Variants in CFAP91 observed in about 807,000 individuals in gnomAD.
CFAP91 encodes cilia and flagella associated protein 91, also known as cilia- and flagella-associated protein 91.
Under a neutral mutation model 95.9 loss-of-function variants are expected in CFAP91, and 85 were observed. The ratio of observed to expected loss-of-function variants is 0.89; its 90% CI spans 0.74 to 1.06. The LOEUF is 1.06. Ranked by LOEUF, CFAP91 falls within the 50% of genes least tolerant of loss-of-function variation. The pLI is 0.00. For synonymous variants in CFAP91, 335 were observed against 327.5 expected, an observed-to-expected ratio of 1.02 and a Z score of -0.25; for missense variants, 962 against 943.4, an observed-to-expected ratio of 1.02 and a Z score of -0.26.
rs751303728 is a variant in CFAP91, at chr3:119,740,597, A to C, written c.1582A>C (p.Thr528Pro). ...KRLELIQELR[T>P]CHALQEDEKL... is the part of the protein sequence containing the mutation. ...ACTGGAGTTGATCCAGGAGTTGCGC[A>C]CCTGCCACGCACTACAAGAAGATGA... Residue 528 changes from threonine to proline, a missense_variant, in exon 13 of 18, where the codon ACC becomes CCC. Physicochemically the swap from Thr to Pro is conservative, Grantham distance 38. Coordinates refer to ENST00000273390, the MANE Select transcript of CFAP91 (RefSeq NM_033364.4). The C allele has an allele frequency of 6.2e-7, 1 of 1,614,208 alleles. No homozygotes were observed.
chr3:119,727,462 G>A (rs2053804608), intron 7 of CFAP91, among the ~76,000 whole-genome samples: 3 of 152,134 alleles, frequency 2.0e-5, no homozygotes, highest in Admixed American at 6.5e-5. Context: ...GAGTGAAAAC[G>A]TCATCTGAGA....
chr3:119,764,533 A>G (rs141725528), intron 17 of CFAP91, among the ~76,000 whole-genome samples: 98 of 152,268 alleles, frequency 6.4e-4, no homozygotes, highest in African/African-American at 2.3e-3. Flanking sequence ...TATTCTGTTT[A>G]TGGTCCAGTA....
At chr3:119,737,220 A>G (rs1316402158) in intron 10 of CFAP91, 146 bp from the exon 11 acceptor site, 29 of 572,326 alleles carry the variant, frequency 5.1e-5, no homozygotes, top group Non-Finnish European at 9.1e-5. Context: ...ATAGGGTACA[A>G]TATACATTAT....
chr3:119,712,982 A>C lies in CFAP91; in HGVS notation c.501-2580A>C, dbSNP rs141288703. On this transcript the variant is annotated intron_variant, in intron 5 of 17. Coordinates refer to ENST00000273390, the MANE Select transcript of CFAP91 (RefSeq NM_033364.4). ...AAAACAAAACAAGACAAAAAAAAAA[A>C]ACAACTATTTAAAGTACTTGCTCCA... Among the ~76,000 whole-genome samples, 748 of 151,926 alleles carry C rather than the reference A, an allele frequency of 4.9e-3. 25 individuals carry two copies. Among genetic ancestry groups the C allele is most frequent in the Admixed American group, 0.041 (630 of 15,276 alleles).
Position 119,730,323 on chromosome 3 carries a change from C to G in CFAP91, c.964C>G (p.Leu322Val), listed in dbSNP as rs144639559. ...GCACTTGAATGCCCGGTGGTCTAAACTGCAGGAGGGAAAAGAGGCAAAAAT... is the reference window on the plus strand; with the variant it reads ...GCACTTGAATGCCCGGTGGTCTAAAGTGCAGGAGGGAAAAGAGGCAAAAAT... ...MKHLNARWSK[L>V]QEGKEAKMAK... The change falls in exon 8 of 18, where the codon CTG becomes GTG. Residue 322 changes from leucine to valine, a missense_variant. Physicochemically the swap from Leu to Val is conservative, Grantham distance 32. Coordinates refer to ENST00000273390, the MANE Select transcript of CFAP91 (RefSeq NM_033364.4). 3.1e-6 allele frequency: 5 copies of G among 1,613,954 alleles called. No homozygotes were observed. The African/African-American group carries it at 6.7e-5, about 22-fold the overall frequency.
intron 17 of CFAP91, among the ~76,000 whole-genome samples, chr3:119,753,259 A>G (rs2054359448): frequency 6.6e-6 from 1 of 152,146 alleles, no homozygotes; most frequent in African/African-American, 2.4e-5. Context: ...AAGGGGGACA[A>G]AAAACTTGAG....
At chr3:119,750,421 C>G (rs2054303031) in intron 16 of CFAP91, 1 of 158,368 alleles carries the variant, frequency 6.3e-6, no homozygotes, top group Admixed American at 5.9e-5. Flanking sequence ...GAATTTGGAG[C>G]TAGGACTATG....
chr3:119,756,161 G>A (rs2054423455), intron 17 of CFAP91, among the ~76,000 whole-genome samples: 1 of 151,994 alleles, frequency 6.6e-6, no homozygotes. Context: ...ACTGCTGAAA[G>A]CCAAAAAGAA....
intron 5 of CFAP91, among the ~76,000 whole-genome samples, chr3:119,710,521 C>T (rs888042525): frequency 7.2e-5 from 11 of 152,162 alleles, no homozygotes; most frequent in Middle Eastern, 3.2e-3. Flanking sequence ...CTCTTAATAC[C>T]ACGACAATGG....
intron 10 of CFAP91, 127 bp downstream of exon 10, chr3:119,733,633 C>A: frequency 5.4e-6 from 5 of 932,658 alleles, no homozygotes. Context: ...CTGCACTTTT[C>A]TGAGGTTGCC....
At chr3:119,705,745 A>G (rs1268728304) in intron 1 of CFAP91, among the ~76,000 whole-genome samples, 4 of 152,192 alleles carry the variant, frequency 2.6e-5, no homozygotes, top group Admixed American at 2.0e-4. Flanking sequence ...TCTCTCTCTC[A>G]TGAAGTCAAA....
intron 6 of CFAP91, among the ~76,000 whole-genome samples, chr3:119,723,350 C>T (rs987272295): frequency 6.6e-6 from 1 of 152,262 alleles, no homozygotes; most frequent in Non-Finnish European, 1.5e-5. Context: ...CTGCTAGACT[C>T]TAGCATTTCT....
At chr3:119,723,675 G>A (rs934002418) in intron 6 of CFAP91, among the ~76,000 whole-genome samples, 30 of 152,194 alleles carry the variant, frequency 2.0e-4, no homozygotes, top group Admixed American at 3.9e-4. Flanking sequence ...ATTCATTTTT[G>A]GTTCATATTT....
intron 17 of CFAP91, among the ~76,000 whole-genome samples, chr3:119,764,348 G>GC (rs1183310576): frequency 6.6e-6 from 1 of 152,050 alleles, no homozygotes; most frequent in Non-Finnish European, 1.5e-5. Flanking sequence ...AATATATAAA[G>GC]TTGTAAATTA....
intron 6 of CFAP91, among the ~76,000 whole-genome samples, chr3:119,716,812 G>T (rs562138592): frequency 1.3e-5 from 2 of 152,078 alleles, no homozygotes; most frequent in African/African-American, 4.8e-5. Flanking sequence ...GGATGGTCTC[G>T]ATCCCCTGAC....
chr3:119,707,075 A>C lies in CFAP91; in HGVS notation c.201+190A>C, dbSNP rs1025888995. The C allele has an allele frequency of 1.0e-4, 60 of 578,154 alleles. No homozygotes were observed. In the South Asian group the frequency reaches 1.2e-3, roughly 12 times the overall value. 35.8% of individuals were successfully genotyped at this position (578,154 alleles called of 1,614,324 possible). A position where few individuals can be genotyped will look rare whatever the true frequency, so the allele number is the denominator to read the frequency against. On this transcript the variant is annotated intron_variant, in intron 2 of 17. Transcript: ENST00000273390. ...GCTCATTGTGAGGATTAAGTCACCAATAATGAACAGAGAACCCATAAGCTA... is the reference window on the plus strand; with the variant it reads ...GCTCATTGTGAGGATTAAGTCACCACTAATGAACAGAGAACCCATAAGCTA...
At chr3:119,745,730 G>A (rs1335199165) in intron 14 of CFAP91, among the ~76,000 whole-genome samples, 2 of 152,200 alleles carry the variant, frequency 1.3e-5, no homozygotes, top group African/African-American at 4.8e-5. Context: ...ACACAGTGTA[G>A]ATCCCTGTAA....
intron 7 of CFAP91, among the ~76,000 whole-genome samples, chr3:119,726,885 G>A (rs1397927191): frequency 1.4e-5 from 2 of 146,604 alleles, no homozygotes; most frequent in Admixed American, 1.4e-4. Context: ...GAGCTGATGG[G>A]GCATTTCCTA....
intron 17 of CFAP91, 40 bp downstream of exon 17, chr3:119,751,138 G>A: frequency 1.3e-6 from 2 of 1,560,968 alleles, no homozygotes; most frequent in Non-Finnish European, 1.7e-6. Flanking sequence ...GCAGAGAAAG[G>A]AAGAAAAGCG....
Sources: gnomAD v4.1 joint callset for allele counts (sites outside exome capture counted in the v4.1 genomes callset) on GRCh38, gnomAD v4.1.1 for gene constraint, MANE v1.5 for transcripts, NCBI Gene and HGNC (gene_info 2026-07-23, HGNC 2026-07-21) for gene names.